Variants in LRRC53 observed in about 807,000 individuals in gnomAD.
The protein encoded by LRRC53 is leucine-rich repeat-containing protein 53.
In LRRC53, 25 loss-of-function variants were observed where a neutral mutation model predicts 13.6. That is an observed-to-expected ratio of 1.83 (90% confidence interval 1.34 to 2.56). The LOEUF (loss-of-function observed/expected upper bound fraction) is 2.56, where lower values mean the gene tolerates loss of function less well. LRRC53 is among the 30% of genes most tolerant of loss of function. LRRC53 has a pLI of 0.00. For synonymous variants in LRRC53, 204 were observed against 109.8 expected, an observed-to-expected ratio of 1.86 and a Z score of -5.37; for missense variants, 527 against 275.8, an observed-to-expected ratio of 1.91 and a Z score of -6.45.
In LRRC53 at chr1:74,471,599, C is replaced by A; in HGVS notation, c.2023G>T (p.Asp675Tyr). 2.5e-6 allele frequency: 1 copy of A among 400,714 alleles called. No homozygotes were observed. Among genetic ancestry groups the A allele is most frequent in the Middle Eastern group, 3.1e-4 (1 of 3,220 alleles). 24.8% of individuals were successfully genotyped at this position (400,714 alleles called of 1,614,324 possible). A position where few individuals can be genotyped will look rare whatever the true frequency, so the allele number is the denominator to read the frequency against. Residue 675 changes from aspartate (D) to tyrosine (Y), a missense_variant, in exon 5 of 5, where the codon GAT becomes TAT. Physicochemically the swap from Asp to Tyr is radical, Grantham distance 160 (BLOSUM62 -3). Coordinates refer to ENST00000294635, the MANE Select transcript of LRRC53 (RefSeq NM_001382280.1). Reference sequence around the variant, plus strand: ...CCAGTGTTGCTAAATTTTTTAACATCCAACTTAGTCAGTTGGTTACTTTGA... The same window carrying A: ...CCAGTGTTGCTAAATTTTTTAACATACAACTTAGTCAGTTGGTTACTTTGA... The part of the protein sequence containing the change: ...KNQSNQLTKL[D>Y]VKKFSNTGER...
chr1:74,501,324 A>AT (rs1293502252), intron 1 of LRRC53, among the ~76,000 whole-genome samples: 1 of 152,142 alleles, frequency 6.6e-6, no homozygotes, highest in Non-Finnish European at 1.5e-5. Context: ...TAGAAGTTGC[A>AT]TGTCATTTAC....
chr1:74,481,945 G>C (rs1668527282), intron 2 of LRRC53, among the ~76,000 whole-genome samples: 1 of 152,136 alleles, frequency 6.6e-6, no homozygotes, highest in Non-Finnish European at 1.5e-5. Flanking sequence ...CGGAAACAAA[G>C]AGATTAAAAA....
At chr1:74,536,073 T>C in the LRRC53 span, among the ~76,000 whole-genome samples, 1 of 152,206 alleles carries the variant, frequency 6.6e-6, no homozygotes, top group Admixed American at 6.5e-5. Context: ...CATTCCTTTC[T>C]GAAGCTTTGC....
intron 3 of LRRC53, among the ~76,000 whole-genome samples, chr1:74,477,859 C>T (rs3737566): frequency 0.097 from 14,701 of 152,186 alleles, 1,850 homozygotes; most frequent in African/African-American, 0.29. Context: ...TAACAATCTA[C>T]CTGTGTTGGC....
At position 74,471,815 on chromosome 1, in the gene LRRC53, G is replaced by A. The variant is rs905117985; in HGVS notation, c.1807C>T (p.Gln603Ter). The change falls in exon 5 of 5, where the codon CAA (glutamine) becomes TAA (stop). Residue 603 changes from glutamine to a stop codon, truncating the protein, a stop_gained. Transcript: ENST00000294635. LOFTEE classifies it low-confidence loss of function (END_TRUNC). ...TCTATTGCACTGTTAATTTGGATTT[G>A]CTCTTTCTCAGGCTTTGAGTGTTGT... ...RRQHSKPEKE[Q>*]IQINSAIEKF... 1.2e-5 allele frequency: 5 copies of A among 431,262 alleles called. No individual in the cohort carries two copies. Among genetic ancestry groups the A allele is most frequent in the Non-Finnish European group, 1.6e-5 (4 of 244,664 alleles). The allele number at this position is 431,262 out of a possible 1,614,324, so 26.7% of individuals were successfully genotyped here.
the LRRC53 span, among the ~76,000 whole-genome samples, chr1:74,535,172 T>C: frequency 6.6e-6 from 1 of 152,150 alleles, no homozygotes; most frequent in Non-Finnish European, 1.5e-5. Flanking sequence ...GTCTGCATGA[T>C]TCATGAATGC....
rs954207157 is a variant in LRRC53 at position 74,471,344 on chromosome 1, C to T, written c.2278G>A (p.Ala760Thr). Residue 760 changes from alanine (A) to threonine (T), a missense_variant, in exon 5 of 5, where the codon GCC becomes ACC. Ala to Thr is a moderately conservative substitution (Grantham distance 58). Transcript: ENST00000294635. ...GCAGAACACACAGTATTTATTTTGG[C>T]TTCTGTCTCAGAAGTTTTGGATAAT... ...KKLSKTSETE[A>T]KINTVCSADF... The T allele has an allele frequency of 5.0e-6, 2 of 400,572 alleles. No individual in the cohort carries two copies. Among genetic ancestry groups the T allele is most frequent in the African/African-American group, 4.1e-5 (2 of 48,678 alleles). 24.8% of individuals were successfully genotyped at this position (400,572 alleles called of 1,614,324 possible). A position where few individuals can be genotyped will look rare whatever the true frequency, so the allele number is the denominator to read the frequency against.
At chr1:74,490,933 A>T (rs1669037259) in intron 1 of LRRC53, among the ~76,000 whole-genome samples, 1 of 152,228 alleles carries the variant, frequency 6.6e-6, no homozygotes, top group Non-Finnish European at 1.5e-5. Context: ...CTGGCTTAGG[A>T]GCATCATGAA....
rs750271140 is a variant in LRRC53, at chr1:74,480,156, C to G, written c.901G>C (p.Ala301Pro). 17 of 714,264 alleles carry G rather than the reference C, an allele frequency of 2.4e-5. No individual in the cohort carries two copies. Among genetic ancestry groups the G allele is most frequent in the Non-Finnish European group, 4.4e-5 (17 of 383,634 alleles). 44.2% of individuals were successfully genotyped at this position (714,264 alleles called of 1,614,324 possible). The change falls in exon 3 of 5, where the codon GCA becomes CCA. Residue 301 changes from alanine to proline, a missense_variant. Physicochemically the swap from Ala to Pro is conservative, Grantham distance 27. Coordinates refer to ENST00000294635, the MANE Select transcript of LRRC53 (RefSeq NM_001382280.1). The stretch of plus-strand genomic sequence containing the variant: ...GGCACACTTCTCCCCGGCATACCTG[C>G]GAAGCCAAGGACAGTCAGCAGGGCC... ...DVALLTVLGF[A>P]GAVGLTCLGL...
At chr1:74,523,824 T>C in the LRRC53 span, among the ~76,000 whole-genome samples, 2 of 152,236 alleles carry the variant, frequency 1.3e-5, no homozygotes, top group African/African-American at 4.8e-5. Flanking sequence ...GTGCAGAACG[T>C]GCAGGTTTGT....
chr1:74,492,371 A>G (rs572251309), intron 1 of LRRC53: 11 of 1,304,606 alleles, frequency 8.4e-6, no homozygotes, highest in African/African-American at 1.5e-5. Flanking sequence ...TTACCCCCTG[A>G]AAAACTTTGA....
chr1:74,524,929 C>T, the LRRC53 span, among the ~76,000 whole-genome samples: 1 of 152,096 alleles, frequency 6.6e-6, no homozygotes, highest in East Asian at 1.9e-4. Flanking sequence ...GGCTGAGGTA[C>T]TTTGGGGCTG....
chr1:74,531,809 T>A, the LRRC53 span, among the ~76,000 whole-genome samples: 1 of 152,238 alleles, frequency 6.6e-6, no homozygotes, highest in African/African-American at 2.4e-5. Context: ...AGGGGATAAG[T>A]GTGCATATGG....
chr1:74,533,826 A>G, the LRRC53 span, among the ~76,000 whole-genome samples: 1 of 152,136 alleles, frequency 6.6e-6, no homozygotes, highest in African/African-American at 2.4e-5. Flanking sequence ...AAAACCAAAC[A>G]CCGCATGTTC....
chr1:74,480,155 G>C lies in LRRC53; in HGVS notation c.902C>G (p.Ala301Gly), dbSNP rs1183543835. Residue 301 changes from alanine to glycine, a missense_variant and splice_region_variant, in exon 3 of 5, where the codon GCA (alanine) becomes GGA (glycine). Coordinates refer to ENST00000294635, the MANE Select transcript of LRRC53 (RefSeq NM_001382280.1). ...GGGCACACTTCTCCCCGGCATACCT[G>C]CGAAGCCAAGGACAGTCAGCAGGGC... is the stretch of plus-strand genomic sequence containing the variant. Reference protein sequence around the residue: ...DVALLTVLGFAGAVGLTCLGL... With the variant: ...DVALLTVLGFGGAVGLTCLGL... 1 of 714,750 alleles carries C rather than the reference G, an allele frequency of 1.4e-6. No individual in the cohort carries two copies. Among genetic ancestry groups the C allele is most frequent in the Non-Finnish European group, 2.6e-6 (1 of 383,882 alleles). The allele number at this position is 714,750 out of a possible 1,614,324, so 44.3% of individuals were successfully genotyped here.
At chr1:74,526,381 T>A in the LRRC53 span, among the ~76,000 whole-genome samples, 2 of 152,156 alleles carry the variant, frequency 1.3e-5, no homozygotes, top group African/African-American at 4.8e-5. Flanking sequence ...TTTTTATTTA[T>A]GTAACTACCC....
the LRRC53 span, among the ~76,000 whole-genome samples, chr1:74,525,898 G>A: frequency 2.0e-5 from 3 of 152,246 alleles, no homozygotes; most frequent in Non-Finnish European, 4.4e-5. Context: ...CAAGAGAAGA[G>A]GTTTTCAATG....
chr1:74,483,143 A>G, intron 2 of LRRC53, 119 bp downstream of exon 2: 3 of 576,304 alleles, frequency 5.2e-6, no homozygotes, highest in South Asian at 4.6e-5. Flanking sequence ...TATGAAGTGT[A>G]CTCATTAAAG....
chr1:74,515,220 G>T (rs766398071), upstream of LRRC53, among the ~76,000 whole-genome samples: 1 of 152,156 alleles, frequency 6.6e-6, no homozygotes, highest in Admixed American at 6.5e-5. Flanking sequence ...CCTAGGAAAT[G>T]AATACAGAGG....
Sources: allele counts gnomAD v4.1 joint callset (sites outside exome capture counted in the v4.1 genomes callset), GRCh38; gene constraint gnomAD v4.1.1; transcripts MANE v1.5; gene names NCBI Gene and HGNC (gene_info 2026-07-23, HGNC 2026-07-21).